PAMR1: variants seen among roughly 807,000 people sequenced by gnomAD.
PAMR1 encodes inactive serine protease PAMR1.
PAMR1 carries 88 observed loss-of-function variants against 81.8 expected under a neutral mutation model. The observed-to-expected ratio is 1.08, with a 90% CI of 0.91 to 1.28. PAMR1 has a LOEUF of 1.28. PAMR1 is among the 50% of genes most tolerant of loss of function. PAMR1 has a pLI of 0.00. For missense variants in PAMR1, 935 were observed against 919.7 expected, an observed-to-expected ratio of 1.02 and a Z score of -0.21; for synonymous variants, 336 against 345.3, an observed-to-expected ratio of 0.97 and a Z score of 0.30.
At position 35,432,655 on chromosome 11, in the gene PAMR1, C is replaced by T. The variant is rs749326535; in HGVS notation, c.1864G>A (p.Val622Ile). Residue 622 changes from valine to isoleucine, a missense_variant, in exon 11 of 11, where the codon GTC becomes ATC. Physicochemically the swap from Val to Ile is conservative, Grantham distance 29. Coordinates refer to ENST00000619888, the MANE Select transcript of PAMR1 (RefSeq NM_001001991.3). The stretch of plus-strand genomic sequence containing the variant: ...CACAGCAGCGAGTCCACCACACTGA[C>T]CACCCCAGAGCGCAGTGTGTCGTTC... ...FKNDTLRSGV[V>I]SVVDSLLCEE... The T allele has an allele frequency of 3.7e-6, 6 of 1,614,002 alleles. No homozygotes were observed. The highest frequency in any genetic ancestry group is 4.5e-5 in the East Asian group (2 of 44,872).
intron 3 of PAMR1, among the ~76,000 whole-genome samples, chr11:35,489,677 T>C (rs1850580513): frequency 6.6e-6 from 1 of 152,202 alleles, no homozygotes; most frequent in Non-Finnish European, 1.5e-5. Context: ...ACATGCTTCC[T>C]TGAACACACC....
chr11:35,503,028 C>T (rs184933189), intron 1 of PAMR1, among the ~76,000 whole-genome samples: 4 of 152,144 alleles, frequency 2.6e-5, no homozygotes, highest in Middle Eastern at 3.4e-3. Context: ...TAAGAAATAA[C>T]GGTCAAGTTT....
chr11:35,432,247 C>A lies in PAMR1; in HGVS notation c.*109G>T. The stretch of plus-strand genomic sequence containing the variant: ...GTCCCTGAAGTCAGAAGCCCTGGCA[C>A]AGCCAAGTTCACAGGCCAAATCACA... On this transcript the variant is annotated 3_prime_UTR_variant, in exon 11 of 11. Coordinates refer to ENST00000619888, the MANE Select transcript of PAMR1 (RefSeq NM_001001991.3). 1 of 1,061,054 alleles carries A rather than the reference C, an allele frequency of 9.4e-7. No individual in the cohort carries two copies. Among genetic ancestry groups the A allele is most frequent in the Non-Finnish European group, 1.4e-6 (1 of 728,670 alleles). The allele number at this position is 1,061,054 out of a possible 1,614,324, so 65.7% of individuals were successfully genotyped here.
At chr11:35,526,758 A>G (rs955473577), upstream of PAMR1, among the ~76,000 whole-genome samples, 2 of 152,184 alleles carry the variant, frequency 1.3e-5, no homozygotes, top group African/African-American at 4.8e-5. Context: ...ACCATTTGAT[A>G]TGGCTTCGCT....
rs556543747 is a variant in PAMR1, at chr11:35,449,886, A to T, written c.821-8193T>A. 4.0e-5 allele frequency among the ~76,000 whole-genome samples: 6 copies of T among 151,578 alleles called. No homozygotes were observed. In the South Asian group the frequency reaches 1.3e-3, roughly 32 times the overall value. On this transcript the variant is annotated intron_variant, in intron 6 of 10. Transcript: ENST00000619888. ...CAGCTCCCGGCTGGGCCATCACTCC[A>T]CTCTGCTTTTCCTTGCTTTCCATGG... is the stretch of plus-strand genomic sequence containing the variant.
chr11:35,446,662 T>C (rs866187000), intron 6 of PAMR1, among the ~76,000 whole-genome samples: 55 of 152,358 alleles, frequency 3.6e-4, no homozygotes, highest in African/African-American at 1.3e-3. Context: ...AGTTTCTTAA[T>C]CTTGCATTCT....
intron 1 of PAMR1, among the ~76,000 whole-genome samples, chr11:35,508,842 G>T (rs575108406): frequency 3.3e-5 from 5 of 152,116 alleles, no homozygotes; most frequent in African/African-American, 1.2e-4. Context: ...TAGGATAATG[G>T]TCTCCAGCTC....
At chr11:35,462,434 T>C (rs966294099) in intron 6 of PAMR1, among the ~76,000 whole-genome samples, 2 of 152,216 alleles carry the variant, frequency 1.3e-5, no homozygotes, top group Non-Finnish European at 2.9e-5. Context: ...GGTGCAGTGG[T>C]GGCAATATTT....
intron 6 of PAMR1, among the ~76,000 whole-genome samples, chr11:35,444,010 G>A (rs1719332295): frequency 1.3e-5 from 2 of 152,102 alleles, no homozygotes; most frequent in South Asian, 4.1e-4. Context: ...AAATTCATAA[G>A]GAAGCAAAAA....
chr11:35,447,781 C>T (rs1249174546), intron 6 of PAMR1, among the ~76,000 whole-genome samples: 4 of 152,170 alleles, frequency 2.6e-5, no homozygotes, highest in Non-Finnish European at 5.9e-5. Flanking sequence ...TGGCTGGTGA[C>T]AGTTTTTCCT....
Position 35,468,062 on chromosome 11 carries a change from G to A in PAMR1, c.759C>T (p.Asp253=). ...AGGCACACTTGTAAGATCCAGCCTT[G>A]TCAAGGACGCACGTGCCGTCATGGA... ...PCFHDGTCVL[D]KAGSYKCACL... The change falls in exon 6 of 11, where the codon GAC becomes GAT. Residue 253 remains aspartate, a synonymous_variant. Coordinates refer to ENST00000619888, the MANE Select transcript of PAMR1 (RefSeq NM_001001991.3). 2 of 1,560,562 alleles carry A rather than the reference G, an allele frequency of 1.3e-6. No homozygotes were observed. Among genetic ancestry groups the A allele is most frequent in the East Asian group, 2.4e-5 (1 of 42,324 alleles).
intron 3 of PAMR1, among the ~76,000 whole-genome samples, chr11:35,479,717 G>A (rs980698813): frequency 1.3e-5 from 2 of 152,188 alleles, no homozygotes; most frequent in African/African-American, 4.8e-5. Context: ...TCAAGAGATG[G>A]TTTCGTGGAG....
intron 3 of PAMR1, among the ~76,000 whole-genome samples, chr11:35,489,976 T>G (rs1850587081): frequency 6.6e-6 from 1 of 152,236 alleles, no homozygotes; most frequent in African/African-American, 2.4e-5. Context: ...AAGAAAGACA[T>G]AGCTGAGACT....
intron 6 of PAMR1, among the ~76,000 whole-genome samples, chr11:35,462,712 A>G (rs922142060): frequency 6.6e-6 from 1 of 152,042 alleles, no homozygotes; most frequent in Non-Finnish European, 1.5e-5. Flanking sequence ...CCCTACAAAC[A>G]CCCTAAGAGG....
At chr11:35,465,125 G>A (rs1709160056) in intron 6 of PAMR1, among the ~76,000 whole-genome samples, 1 of 152,130 alleles carries the variant, frequency 6.6e-6, no homozygotes, top group African/African-American at 2.4e-5. Context: ...GAATTTGATG[G>A]GGACCAGTGT....
chr11:35,449,953 A>G (rs1856376857), intron 6 of PAMR1, among the ~76,000 whole-genome samples: 1 of 151,796 alleles, frequency 6.6e-6, no homozygotes, highest in Admixed American at 6.6e-5. Flanking sequence ...GAGAACCTAG[A>G]TACCTCAGCT....
intron 3 of PAMR1, among the ~76,000 whole-genome samples, chr11:35,476,506 T>C (rs186104835): frequency 6.6e-6 from 1 of 152,196 alleles, no homozygotes; most frequent in Non-Finnish European, 1.5e-5. Flanking sequence ...GAAGGACGCG[T>C]TTGCTTCCCC....
intron 1 of PAMR1, among the ~76,000 whole-genome samples, chr11:35,520,239 G>A (rs1590402536): frequency 6.6e-6 from 1 of 152,118 alleles, no homozygotes; most frequent in South Asian, 2.1e-4. Context: ...CTCAACCCAC[G>A]TGGGCCCTGA....
intron 6 of PAMR1, among the ~76,000 whole-genome samples, chr11:35,463,029 A>C (rs1020372575): frequency 1.3e-5 from 2 of 152,184 alleles, no homozygotes; most frequent in African/African-American, 4.8e-5. Flanking sequence ...AATTCCACCT[A>C]GCCTGCAGTA....
Sources: gnomAD v4.1 joint callset for allele counts (sites outside exome capture counted in the v4.1 genomes callset) on GRCh38, gnomAD v4.1.1 for gene constraint, MANE v1.5 for transcripts, NCBI Gene and HGNC (gene_info 2026-07-23, HGNC 2026-07-21) for gene names.